The following FOXK1 variants were observed in gnomAD, a reference collection of about 807,000 sequenced individuals.
The protein encoded by FOXK1 is forkhead box protein K1.
In FOXK1, 19 loss-of-function variants were observed where a neutral mutation model predicts 51.9. The ratio of observed to expected loss-of-function variants is 0.37; its 90% confidence interval spans 0.26 to 0.54. The LOEUF is 0.54. Among genes scored for constraint, FOXK1 ranks in the 20% least tolerant of loss-of-function variants. The pLI, the probability that FOXK1 is intolerant of heterozygous loss-of-function variation, is 0.87. For synonymous variants in FOXK1, 537 were observed against 482.6 expected, an observed-to-expected ratio of 1.11 and a Z score of -1.48; for missense variants, 870 against 1,032.7, an observed-to-expected ratio of 0.84 and a Z score of 2.16.
At chr7:4,754,862 G>A (rs574295316) in intron 3 of FOXK1, 16 of 600,470 alleles carry the variant, frequency 2.7e-5, no homozygotes, top group Admixed American at 6.0e-5. Context: ...CTCCCGCCAC[G>A]CTCCTTGTTC....
In FOXK1 at chr7:4,682,388, C is replaced by T; in HGVS notation, c.80C>T (p.Ala27Val). 1 of 981,704 alleles carries T rather than the reference C, an allele frequency of 1.0e-6. No homozygotes were observed. Among genetic ancestry groups the T allele is most frequent in the Non-Finnish European group, 1.2e-6 (1 of 829,012 alleles). 60.8% of individuals were successfully genotyped at this position (981,704 alleles called of 1,614,324 possible). A position where few individuals can be genotyped will look rare whatever the true frequency, so the allele number is the denominator to read the frequency against. ...GCGCCCTGCAGCCCAGTGCTGTGCG[C>T]CGCAGCCGCCGCCGCCGCCTTCCCC... ...RSAPCSPVLC[A>V]AAAAAAFPAA... The change falls in exon 1 of 9, where the codon GCC becomes GTC. Residue 27 changes from alanine (A) to valine (V), a missense_variant. Physicochemically the swap from Ala to Val is moderately conservative, Grantham distance 64. This residue lies in a region of FOXK1 where 399 missense variants were observed against 475.6 expected (regional missense o/e 0.84). Coordinates refer to ENST00000328914, the MANE Select transcript of FOXK1 (RefSeq NM_001037165.2). The surrounding 1 kb of genome is among the most constrained non-coding windows in gnomAD (Gnocchi z 7.6).
At chr7:4,736,818 A>T (rs765783498) in intron 1 of FOXK1, among the ~76,000 whole-genome samples, 5 of 152,190 alleles carry the variant, frequency 3.3e-5, no homozygotes, top group Admixed American at 6.5e-5. Flanking sequence ...GGTTAGGGTG[A>T]GTGGTTCTAA....
At chr7:4,716,653 C>T (rs559267281) in intron 1 of FOXK1, among the ~76,000 whole-genome samples, 2 of 152,326 alleles carry the variant, frequency 1.3e-5, no homozygotes, top group East Asian at 1.9e-4. Context: ...TCTCAAGACC[C>T]AGTGCTGCTC....
Position 4,770,752 on chromosome 7 carries a change from C to T in FOXK1, c.*8288C>T, listed in dbSNP as rs987375081. On this transcript the variant is annotated 3_prime_UTR_variant, in exon 9 of 9. Transcript: ENST00000328914. ...CCCTGCAGATGACAAAGGCCGGCAG[C>T]TCAGCACACGTGCAGGAGGGGTTAA... is the stretch of plus-strand genomic sequence containing the variant. 6.6e-6 allele frequency: 1 copy of T among 151,890 alleles called. No homozygotes were observed. Among genetic ancestry groups the T allele is most frequent in the Non-Finnish European group, 1.5e-5 (1 of 68,032 alleles). The allele number at this position is 151,890 out of a possible 1,614,324, so 9.4% of individuals were successfully genotyped here. A position where few individuals can be genotyped will look rare whatever the true frequency, so the allele number is the denominator to read the frequency against.
intron 2 of FOXK1, among the ~76,000 whole-genome samples, chr7:4,751,711 AAC>A (rs1780781154): frequency 6.6e-6 from 1 of 152,224 alleles, no homozygotes; most frequent in African/African-American, 2.4e-5. Context: ...CATGTGAACA[AAC>A]ACATGTGGTC....
chr7:4,767,488 A>G lies in FOXK1; in HGVS notation c.*5024A>G, dbSNP rs531984728. 6.6e-6 allele frequency: 1 copy of G among 152,364 alleles called. No homozygotes were observed. Among genetic ancestry groups the G allele is most frequent in the African/African-American group, 2.4e-5 (1 of 41,588 alleles). 9.4% of individuals were successfully genotyped at this position (152,364 alleles called of 1,614,324 possible). ...TTGACAATACCGCTGCTTCAAAGCAATATTATTTAATGAGAATACTTTACA... is the reference window on the plus strand; with the variant it reads ...TTGACAATACCGCTGCTTCAAAGCAGTATTATTTAATGAGAATACTTTACA... On this transcript the variant is annotated 3_prime_UTR_variant, in exon 9 of 9. Coordinates refer to ENST00000328914, the MANE Select transcript of FOXK1 (RefSeq NM_001037165.2). This position sits in a 1 kb window ranked among gnomAD's most constrained non-coding sequence, Gnocchi z 6.6.
intron 1 of FOXK1, among the ~76,000 whole-genome samples, chr7:4,706,022 ACGTGTATATACGTGTATATACG>A (rs1780094873): frequency 9.6e-6 from 1 of 103,764 alleles, no homozygotes; most frequent in African/African-American, 8.1e-5. Flanking sequence ...ACGTATATAT[ACGTGTATATACGTGTATATACG>A]TGTATATATG....
chr7:4,759,815 G>C (rs1447092965), intron 7 of FOXK1: 2 of 610,218 alleles, frequency 3.3e-6, no homozygotes, highest in African/African-American at 3.8e-5. Flanking sequence ...TGGATTACTT[G>C]AGGTCCGGAG....
chr7:4,688,145 G>A (rs1779843888), intron 1 of FOXK1, among the ~76,000 whole-genome samples: 1 of 151,478 alleles, frequency 6.6e-6, no homozygotes, highest in Non-Finnish European at 1.5e-5. Flanking sequence ...GGCCAGGCTT[G>A]TTTTATCTTC....
At position 4,682,797 on chromosome 7, in the gene FOXK1, C is replaced by G. The variant is rs565193797; in HGVS notation, c.489C>G (p.Leu163=). ...AGCCGCACTTCTACCTGCGCTGCCT[C>G]GGCAAGAACGGCGTCTTCGTGGACG... ...FQEPHFYLRC[L]GKNGVFVDGA... Residue 163 remains leucine (L), a synonymous_variant, in exon 1 of 9, where the codon CTC becomes CTG. Coordinates refer to ENST00000328914, the MANE Select transcript of FOXK1 (RefSeq NM_001037165.2). The surrounding 1 kb of genome is among the most constrained non-coding windows in gnomAD (Gnocchi z 7.6). 4.4e-6 allele frequency: 7 copies of G among 1,589,132 alleles called. No individual in the cohort carries two copies. The South Asian group carries it at 4.5e-5, about 10-fold the overall frequency.
intron 1 of FOXK1, among the ~76,000 whole-genome samples, chr7:4,732,411 G>A (rs1780489946): frequency 6.6e-6 from 1 of 152,128 alleles, no homozygotes; most frequent in South Asian, 2.1e-4. Context: ...TCCCTCCTCA[G>A]CCTCCCAAGT....
At chr7:4,736,474 G>GC (rs1780553952) in intron 1 of FOXK1, among the ~76,000 whole-genome samples, 1 of 150,492 alleles carries the variant, frequency 6.6e-6, no homozygotes, top group Non-Finnish European at 1.5e-5. Flanking sequence ...GTGCAGTGGT[G>GC]CGTTCTCAGC....
At chr7:4,721,044 A>C (rs1028963800) in intron 1 of FOXK1, among the ~76,000 whole-genome samples, 3 of 151,896 alleles carry the variant, frequency 2.0e-5, no homozygotes, top group Non-Finnish European at 1.5e-5. Flanking sequence ...CTTTCAGTTA[A>C]GTTTTGTAGT....
At position 4,749,830 on chromosome 7, in the gene FOXK1, T is replaced by G. The variant is rs994442986; in HGVS notation, c.747-4629T>G. Among the ~76,000 whole-genome samples the G allele has an allele frequency of 6.6e-6, 1 of 152,140 alleles. No homozygotes were observed. Among genetic ancestry groups the G allele is most frequent in the African/African-American group, 2.4e-5 (1 of 41,430 alleles). On this transcript the variant is annotated intron_variant, in intron 2 of 8. Transcript: ENST00000328914. The surrounding 1 kb of genome is among the most constrained non-coding windows in gnomAD (Gnocchi z 6.0). Reference sequence around the variant, plus strand: ...CCAGCTGGCGGCTCCAGAGGTGGCTTTAGGTCTGTTGTTGGATTTGCCTTT... The same window carrying G: ...CCAGCTGGCGGCTCCAGAGGTGGCTGTAGGTCTGTTGTTGGATTTGCCTTT...
chr7:4,725,482 C>T (rs919145648), intron 1 of FOXK1, among the ~76,000 whole-genome samples: 3 of 152,238 alleles, frequency 2.0e-5, no homozygotes, highest in African/African-American at 7.2e-5. Context: ...TGCCCACAGG[C>T]AGAGGCCCGG....
In FOXK1 at chr7:4,755,205, G is replaced by A; in HGVS notation, c.904-32G>A. ...TGGGGTAGACTCAGGGACCTTGCTG[G>A]AGCTCATCCCGTGAGCCGTGTTTCT... On this transcript the variant is annotated intron_variant, in intron 3 of 8. Transcript: ENST00000328914. This position sits in a 1 kb window ranked among gnomAD's most constrained non-coding sequence, Gnocchi z 6.6. The A allele has an allele frequency of 1.2e-6, 2 of 1,610,210 alleles. No homozygotes were observed. The highest frequency in any genetic ancestry group is 2.2e-5 in the East Asian group (1 of 44,816).
rs548720019 is a variant in FOXK1 at position 4,711,120 on chromosome 7, A to T, written c.560+28252A>T. On this transcript the variant is annotated intron_variant, in intron 1 of 8. Coordinates refer to ENST00000328914, the MANE Select transcript of FOXK1 (RefSeq NM_001037165.2). This position sits in a 1 kb window ranked among gnomAD's most constrained non-coding sequence, Gnocchi z 6.3. ...CAGGGCCAAGCTGGGCCTGGATCCT[A>T]CTTAGTCTCTCTGACTTCTTCTACT... Among the ~76,000 whole-genome samples the T allele has an allele frequency of 2.6e-5, 4 of 151,756 alleles. No individual in the cohort carries two copies. In the South Asian group the frequency reaches 8.3e-4, roughly 31 times the overall value.
At chr7:4,738,940 C>T (rs1254556685) in intron 1 of FOXK1, among the ~76,000 whole-genome samples, 1 of 151,582 alleles carries the variant, frequency 6.6e-6, no homozygotes, top group Admixed American at 6.6e-5. Flanking sequence ...TCCTTTGAAG[C>T]GGGTCCCTGG....
At position 4,759,525 on chromosome 7, in the gene FOXK1, C is replaced by A; in HGVS notation, c.1626C>A (p.Ser542Arg). 6.4e-7 allele frequency: 1 copy of A among 1,565,198 alleles called. No individual in the cohort carries two copies. The highest frequency in any genetic ancestry group is 8.6e-7 in the Non-Finnish European group (1 of 1,161,836). ...CGGCCAACGGATACATCCTCACCAGCCAGGGCGCGGCGGGGGGCTCCCATG... is the reference window on the plus strand; with the variant it reads ...CGGCCAACGGATACATCCTCACCAGACAGGGCGCGGCGGGGGGCTCCCATG... ...ANSANGYILT[S>R]QGAAGGSHDA... Residue 542 changes from serine (S) to arginine (R), a missense_variant, in exon 7 of 9, where the codon AGC (serine) becomes AGA (arginine). Ser to Arg is a moderately radical substitution (Grantham distance 110). Around this residue, in one of 3 missense-constraint regions of FOXK1, gnomAD observed 457 missense variants for 510.8 expected, o/e 0.89. Transcript: ENST00000328914.
Sources: gnomAD v4.1 joint callset for allele counts (sites outside exome capture counted in the v4.1 genomes callset) on GRCh38, gnomAD v4.1.1 for gene constraint, gnomAD v4.1.1 regional missense constraint, Gnocchi (gnomAD v3.1) non-coding constraint, MANE v1.5 for transcripts, NCBI Gene and HGNC (gene_info 2026-07-23, HGNC 2026-07-21) for gene names.